TEK: variants seen among roughly 807,000 people sequenced by gnomAD.
The protein encoded by TEK is TEK receptor tyrosine kinase.
A neutral mutation model predicts 131.8 loss-of-function variants in TEK; 43 were observed. The observed-to-expected ratio is 0.33, with a 90% CI of 0.26 to 0.42. The LOEUF is 0.42. TEK is among the 10% of genes least tolerant of loss of function. The probability of loss-of-function intolerance (pLI) is 1.00; values close to 1 mark genes in which losing one functional copy is unlikely to be tolerated. For synonymous variants in TEK, 580 were observed against 491.6 expected (o/e 1.18, Z -2.38); for missense variants, 1,162 against 1,384.4 (o/e 0.84, Z 2.55).
intron 1 of TEK, among the ~76,000 whole-genome samples, chr9:27,126,589 A>T (rs1456574959): frequency 6.6e-6 from 1 of 152,222 alleles, no homozygotes; most frequent in Non-Finnish European, 1.5e-5. Flanking sequence ...AAAAATGACT[A>T]TGCAAGTCAG....
At chr9:27,185,674 A>T (rs1824575062) in intron 9 of TEK, 45 bp downstream of exon 9, 1 of 1,610,662 alleles carries the variant, frequency 6.2e-7, no homozygotes, top group African/African-American at 1.3e-5. Context: ...TTGATGCATT[A>T]TGTTTTTGTA....
chr9:27,196,841 G>A (rs1331710375), intron 11 of TEK, among the ~76,000 whole-genome samples: 1 of 124,116 alleles, frequency 8.1e-6, no homozygotes, highest in Non-Finnish European at 1.7e-5. Context: ...TTTATTTTCT[G>A]ACAAAGCTCC....
chr9:27,224,442 A>G (rs1316153162), intron 21 of TEK, among the ~76,000 whole-genome samples: 1 of 152,194 alleles, frequency 6.6e-6, no homozygotes, highest in Non-Finnish European at 1.5e-5. Context: ...TTGGGATGCA[A>G]GGCTGGTTCA....
At position 27,162,225 on chromosome 9, in the gene TEK, TG is replaced by T. The variant is rs547414073; in HGVS notation, c.364+4084del. On this transcript the variant is annotated intron_variant, in intron 2 of 22. Transcript: ENST00000380036. The stretch of plus-strand genomic sequence containing the variant: ...AACATCATGGAAACTCAGAAATGCC[TG>T]CCTAGGGACACAGCAGGATAAAATA... Among the ~76,000 whole-genome samples the T allele has an allele frequency of 1.4e-3, 209 of 152,338 alleles. 1 individual carries two copies. Among genetic ancestry groups the T allele is most frequent in the African/African-American group, 4.7e-3 (197 of 41,586 alleles).
intron 12 of TEK, among the ~76,000 whole-genome samples, chr9:27,197,919 A>T (rs1825086744): frequency 6.6e-6 from 1 of 152,228 alleles, no homozygotes; most frequent in African/African-American, 2.4e-5. Flanking sequence ...ATTATCATAT[A>T]TCTACATGTA....
intron 4 of TEK, among the ~76,000 whole-genome samples, chr9:27,170,107 G>A (rs568781959): frequency 6.6e-6 from 1 of 152,240 alleles, no homozygotes; most frequent in Non-Finnish European, 1.5e-5. Context: ...AAGAATGAGA[G>A]TGAAGGAGAG....
At chr9:27,207,034 C>A (rs1216473064) in intron 15 of TEK, among the ~76,000 whole-genome samples, 2 of 152,212 alleles carry the variant, frequency 1.3e-5, no homozygotes, top group Admixed American at 6.5e-5. Context: ...ACTATAGATT[C>A]TTGGTCATAT....
intron 1 of TEK, among the ~76,000 whole-genome samples, chr9:27,137,169 C>T (rs906639461): frequency 1.3e-5 from 2 of 152,144 alleles, no homozygotes; most frequent in East Asian, 1.9e-4. Flanking sequence ...CCACCCGCCT[C>T]GGCCTCCCAA....
At chr9:27,211,986 G>A (rs1459238763) in intron 16 of TEK, among the ~76,000 whole-genome samples, 2 of 135,272 alleles carry the variant, frequency 1.5e-5, no homozygotes, top group East Asian at 2.4e-4. Context: ...GGCAAATAAC[G>A]TTTTATTAAA....
At chr9:27,116,989 G>A (rs1416722958) in intron 1 of TEK, among the ~76,000 whole-genome samples, 1 of 151,212 alleles carries the variant, frequency 6.6e-6, no homozygotes, top group Non-Finnish European at 1.5e-5. Flanking sequence ...AGCCTCCCGA[G>A]TAGCTGGGAC....
intron 1 of TEK, among the ~76,000 whole-genome samples, chr9:27,128,205 T>C (rs1587488092): frequency 6.6e-6 from 1 of 152,200 alleles, no homozygotes; most frequent in Non-Finnish European, 1.5e-5. Flanking sequence ...GGCTAGCCAG[T>C]TTTCCCAACA....
chr9:27,111,644 A>G (rs1191097219), intron 1 of TEK, among the ~76,000 whole-genome samples: 3 of 151,432 alleles, frequency 2.0e-5, no homozygotes, highest in Non-Finnish European at 2.9e-5. Context: ...CCTTACAAAT[A>G]CTCCTAGATT....
intron 1 of TEK, among the ~76,000 whole-genome samples, chr9:27,138,496 GCATTTA>G (rs1822589761): frequency 6.6e-6 from 1 of 152,164 alleles, no homozygotes; most frequent in South Asian, 2.1e-4. Flanking sequence ...GCTGATTGGT[GCATTTA>G]CAATCCTCTA....
intron 10 of TEK, among the ~76,000 whole-genome samples, 181 bp from the exon 11 acceptor site, chr9:27,192,308 C>G (rs890095085): frequency 6.6e-6 from 1 of 152,154 alleles, no homozygotes; most frequent in African/African-American, 2.4e-5. Flanking sequence ...GGAAACATTT[C>G]AAAAGCCTAA....
Position 27,220,131 on chromosome 9 carries a change from C to T in TEK, c.3186C>T (p.Asn1062=), listed in dbSNP as rs55702716. The T allele has an allele frequency of 6.2e-7, 1 of 1,613,922 alleles. No individual in the cohort carries two copies. The highest frequency in any genetic ancestry group is 8.5e-7 in the Non-Finnish European group (1 of 1,179,968). ...PQGYRLEKPL[N]CDDEVYDLMR... is the part of the protein sequence containing the mutation. ...GCTACAGACTGGAGAAGCCCCTGAA[C>T]TGTGATGATGAGGTGTAAGTCAGGC... The change falls in exon 21 of 23, where the codon AAC becomes AAT. Residue 1062 remains asparagine (N), a synonymous_variant. Transcript: ENST00000380036.
In TEK at chr9:27,218,130, T is replaced by TTGC. The variant is rs9298888; in HGVS notation, c.3062+372_3062+373insTGC. On this transcript the variant is annotated intron_variant, in intron 19 of 22. Coordinates refer to ENST00000380036, the MANE Select transcript of TEK (RefSeq NM_000459.5). ...CTGGGGACAAAATAAGGCCAGACAG[T>TTGC]GGCGGGGGTCGTCTCTGCTTGCAGC... Among the ~76,000 whole-genome samples the TTGC allele has an allele frequency of 2.6e-3, 363 of 139,632 alleles. 13 individuals carry two copies. The highest frequency in any genetic ancestry group is 9.1e-3 in the African/African-American group (348 of 38,370). 91.6% of individuals were successfully genotyped at this position (139,632 alleles called of 152,430 possible).
chr9:27,228,752 T>G (rs1826437017), intron 22 of TEK, among the ~76,000 whole-genome samples: 1 of 152,082 alleles, frequency 6.6e-6, no homozygotes, highest in Admixed American at 6.6e-5. Context: ...AAAATAAAAG[T>G]AAACACAGTT....
chr9:27,180,426 G>A (rs1197686710), intron 7 of TEK, 58 bp downstream of exon 7: 11 of 1,581,498 alleles, frequency 7.0e-6, no homozygotes, highest in Non-Finnish European at 9.5e-6. Flanking sequence ...ACTGAGCTTT[G>A]GTAGTGTAAT....
intron 6 of TEK, among the ~76,000 whole-genome samples, chr9:27,178,000 G>C (rs1398591080): frequency 6.6e-6 from 1 of 152,000 alleles, no homozygotes. Context: ...TGCTTTTGTT[G>C]TCTGTGCTTT....
Sources: gnomAD v4.1 joint callset for allele counts (sites outside exome capture counted in the v4.1 genomes callset) on GRCh38, gnomAD v4.1.1 for gene constraint, MANE v1.5 for transcripts, NCBI Gene and HGNC (gene_info 2026-07-23, HGNC 2026-07-21) for gene names.